SEMA6D: variants seen among roughly 807,000 people sequenced by gnomAD.
The protein encoded by SEMA6D is semaphorin-6D.
A neutral mutation model predicts 106.6 loss-of-function variants in SEMA6D; 35 were observed. That is an observed-to-expected ratio of 0.33 (90% CI 0.25 to 0.44). The LOEUF (loss-of-function observed/expected upper bound fraction) is 0.44. SEMA6D is among the 20% of genes least tolerant of loss of function. SEMA6D has a pLI of 1.00. For missense variants in SEMA6D, 1,185 were observed against 1,345.9 expected (o/e 0.88, Z 1.87); for synonymous variants, 499 against 487.7 (o/e 1.02, Z -0.31).
At chr15:47,456,612 T>G (rs1168904265) in intron 2 of SEMA6D, among the ~76,000 whole-genome samples, 2 of 151,996 alleles carry the variant, frequency 1.3e-5, no homozygotes, top group African/African-American at 2.4e-5. Flanking sequence ...ATTTGTGCAC[T>G]CACCTTAAAC....
At chr15:47,252,091 A>AT (rs1334790154) in intron 1 of SEMA6D, among the ~76,000 whole-genome samples, 1 of 144,808 alleles carries the variant, frequency 6.9e-6, no homozygotes, top group Admixed American at 6.8e-5. Flanking sequence ...AATTTTTTGT[A>AT]TTTTTTTAGT....
At chr15:47,239,173 G>A (rs2032747633) in intron 1 of SEMA6D, among the ~76,000 whole-genome samples, 1 of 152,166 alleles carries the variant, frequency 6.6e-6, no homozygotes, top group Admixed American at 6.5e-5. Flanking sequence ...AACTGCGCAT[G>A]CAAGGAATCA....
intron 3 of SEMA6D, among the ~76,000 whole-genome samples, chr15:47,479,028 C>T (rs1411176171): frequency 1.3e-5 from 2 of 152,086 alleles, no homozygotes; most frequent in South Asian, 2.1e-4. Flanking sequence ...CCAACCTGGT[C>T]CCTCCAATGA....
chr15:47,619,238 T>C (rs2077058538), intron 4 of SEMA6D, among the ~76,000 whole-genome samples: 1 of 152,212 alleles, frequency 6.6e-6, no homozygotes, highest in African/African-American at 2.4e-5. Context: ...TGGAGGGAAT[T>C]AGGCTCCTCA....
intron 1 of SEMA6D, among the ~76,000 whole-genome samples, chr15:47,185,988 A>C (rs1194896239): frequency 6.6e-6 from 1 of 152,146 alleles, no homozygotes; most frequent in Non-Finnish European, 1.5e-5. Flanking sequence ...GTGTATATAT[A>C]AATATATATG....
intron 1 of SEMA6D, among the ~76,000 whole-genome samples, chr15:47,214,573 G>A (rs1595751199): frequency 2.0e-5 from 3 of 152,260 alleles, no homozygotes; most frequent in Admixed American, 2.0e-4. Flanking sequence ...AGGGAATTTG[G>A]CATCTGTTCT....
intron 2 of SEMA6D, among the ~76,000 whole-genome samples, chr15:47,415,234 A>G (rs1247180702): frequency 1.3e-5 from 2 of 152,220 alleles, no homozygotes; most frequent in African/African-American, 2.4e-5. Context: ...TGCAATCATT[A>G]TAACTTTCCC....
chr15:47,626,968 G>A (rs1364774649), intron 4 of SEMA6D, among the ~76,000 whole-genome samples: 5 of 152,114 alleles, frequency 3.3e-5, no homozygotes, highest in South Asian at 2.1e-4. Flanking sequence ...CAATAGGGAT[G>A]TCATATGAAA....
chr15:47,395,518 C>G (rs544664378), intron 1 of SEMA6D: 2 of 152,106 alleles, frequency 1.3e-5, no homozygotes, highest in Admixed American at 1.3e-4. Context: ...GTAAATATAA[C>G]GCATTATTTT....
chr15:47,342,030 TTTTG>T (rs369835163), intron 1 of SEMA6D, among the ~76,000 whole-genome samples: 144 of 152,198 alleles, frequency 9.5e-4, no homozygotes, highest in African/African-American at 3.2e-3. Flanking sequence ...TTTTTTTCTT[TTTTG>T]TTTGTTTGTT....
chr15:47,256,468 A>G (rs139491420), intron 1 of SEMA6D, among the ~76,000 whole-genome samples: 31 of 152,266 alleles, frequency 2.0e-4, no homozygotes, highest in African/African-American at 7.2e-4. Flanking sequence ...AGCAGTTACA[A>G]TTTTTCAAAA....
intron 1 of SEMA6D, among the ~76,000 whole-genome samples, chr15:47,316,133 C>T (rs536432240): frequency 6.1e-5 from 3 of 48,898 alleles, no homozygotes; most frequent in South Asian, 1.5e-3. Flanking sequence ...TGTTCTGTCA[C>T]CCAGGCTGGA....
chr15:47,714,063 T>A (rs1215477388), upstream of SEMA6D, among the ~76,000 whole-genome samples: 1 of 152,200 alleles, frequency 6.6e-6, no homozygotes, highest in Non-Finnish European at 1.5e-5. Context: ...ATTATTATCA[T>A]CATCCCTGTT....
intron 1 of SEMA6D, among the ~76,000 whole-genome samples, chr15:47,212,276 C>G (rs952831397): frequency 6.6e-6 from 1 of 152,202 alleles, no homozygotes; most frequent in Non-Finnish European, 1.5e-5. Flanking sequence ...CATCTCTTCA[C>G]TGACTGCTAT....
At chr15:47,527,545 G>C (rs1566859474) in intron 3 of SEMA6D, 1 of 152,134 alleles carries the variant, frequency 6.6e-6, no homozygotes, top group Non-Finnish European at 1.5e-5. Context: ...GATTCTTACA[G>C]AAAATAAAGT....
intron 1 of SEMA6D, among the ~76,000 whole-genome samples, chr15:47,380,862 C>T (rs1343838056): frequency 6.6e-6 from 1 of 152,142 alleles, no homozygotes; most frequent in Non-Finnish European, 1.5e-5. Context: ...TCAAAGATGA[C>T]CCTAGACTTA....
intron 3 of SEMA6D, among the ~76,000 whole-genome samples, chr15:47,571,721 A>G (rs575641934): frequency 6.6e-6 from 1 of 152,356 alleles, no homozygotes; most frequent in African/African-American, 2.4e-5. Context: ...TGGGAACCAC[A>G]AATATTAAGG....
At chr15:47,701,417 G>A (rs1281719983) in intron 4 of SEMA6D, among the ~76,000 whole-genome samples, 1 of 152,126 alleles carries the variant, frequency 6.6e-6, no homozygotes, top group East Asian at 1.9e-4. Flanking sequence ...AGTTAGATAG[G>A]AGGAATACGT....
At chr15:47,696,660 C>T (rs189432108) in intron 4 of SEMA6D, among the ~76,000 whole-genome samples, 9 of 152,178 alleles carry the variant, frequency 5.9e-5, no homozygotes, top group East Asian at 5.8e-4. Context: ...GGGACAGGGG[C>T]GTGGGGATTG....
Sources: allele counts gnomAD v4.1 joint callset (sites outside exome capture counted in the v4.1 genomes callset), GRCh38; gene constraint gnomAD v4.1.1; transcripts MANE v1.5; gene names NCBI Gene and HGNC (gene_info 2026-07-23, HGNC 2026-07-21).